The following RABGAP1 variants were observed in gnomAD, a reference collection of about 807,000 sequenced individuals.
RABGAP1 encodes the protein rab GTPase-activating protein 1.
Under a neutral mutation model 137.6 loss-of-function variants are expected in RABGAP1, and 23 were observed. That is an observed-to-expected ratio of 0.17 (90% confidence interval 0.12 to 0.24). RABGAP1 has a LOEUF of 0.24. Among genes scored for constraint, RABGAP1 ranks in the 10% least tolerant of loss-of-function variants. The pLI is 1.00. For synonymous variants in RABGAP1, 451 were observed against 450.7 expected (o/e 1.00, Z -0.01); for missense variants, 906 against 1,275.8 (o/e 0.71, Z 4.42).
intron 9 of RABGAP1, among the ~76,000 whole-genome samples, chr9:122,998,064 C>T (rs1370329257): frequency 6.6e-6 from 1 of 151,864 alleles, no homozygotes; most frequent in Non-Finnish European, 1.5e-5. Context: ...TCTGACAGTA[C>T]AGTGGTGTTT....
In RABGAP1 at chr9:123,103,118, C is replaced by T; in HGVS notation, c.3115C>T (p.Leu1039Phe). 1.2e-6 allele frequency: 2 copies of T among 1,614,092 alleles called. No homozygotes were observed. Among genetic ancestry groups the T allele is most frequent in the Non-Finnish European group, 1.7e-6 (2 of 1,179,978 alleles). ...CTTGGAACACCATTTAGGGCTTGCC[C>T]TCAATGAGGTGCAGGCAGCCAAGAA... ...QDLEHHLGLALNEVQAAKKTW... is the reference protein window; with the variant it reads ...QDLEHHLGLAFNEVQAAKKTW... Residue 1039 changes from leucine (L) to phenylalanine (F), a missense_variant, in exon 26 of 26, where the codon CTC becomes TTC. This residue lies in a region of RABGAP1 where 193 missense variants were observed against 248.1 expected (regional missense o/e 0.78). Transcript: ENST00000373647.
chr9:122,992,990 T>A (rs1024431416), intron 6 of RABGAP1, among the ~76,000 whole-genome samples: 4 of 151,696 alleles, frequency 2.6e-5, no homozygotes, highest in South Asian at 2.1e-4. Flanking sequence ...GTATGGAAAT[T>A]TATCTGCAGA....
chr9:123,048,218 C>A (rs1348920114), intron 13 of RABGAP1, among the ~76,000 whole-genome samples: 1 of 152,090 alleles, frequency 6.6e-6, no homozygotes, highest in African/African-American at 2.4e-5. Flanking sequence ...GGATTACAGG[C>A]GTGAGCCATC....
upstream of RABGAP1, chr9:122,937,920 G>T (rs1308039630): frequency 6.6e-6 from 1 of 152,202 alleles, no homozygotes; most frequent in African/African-American, 2.4e-5. Context: ...AACCCAGGAG[G>T]TGGAGGTTGC....
At chr9:123,091,667 C>CTCTGCTTG (rs1365866230) in intron 21 of RABGAP1, among the ~76,000 whole-genome samples, 3 of 152,046 alleles carry the variant, frequency 2.0e-5, no homozygotes, top group East Asian at 1.9e-4. Context: ...TGTTAGCGCC[C>CTCTGCTTG]TCTGCTTGTC....
intron 21 of RABGAP1, among the ~76,000 whole-genome samples, chr9:123,093,245 T>G (rs1391482163): frequency 2.0e-5 from 3 of 152,258 alleles, no homozygotes; most frequent in Admixed American, 1.3e-4. Flanking sequence ...ATTCATCACC[T>G]GTCACTTTTG....
At chr9:122,979,796 T>C (rs1471538454) in intron 2 of RABGAP1, among the ~76,000 whole-genome samples, 1 of 152,246 alleles carries the variant, frequency 6.6e-6, no homozygotes, top group Non-Finnish European at 1.5e-5. Context: ...CTGGACTCTG[T>C]TCTGTGCCAT....
At chr9:122,943,413 G>T (rs934710575) in intron 1 of RABGAP1, among the ~76,000 whole-genome samples, 1 of 152,092 alleles carries the variant, frequency 6.6e-6, no homozygotes, top group Non-Finnish European at 1.5e-5. Flanking sequence ...TACAGTTAAC[G>T]CATTGACATT....
intron 6 of RABGAP1, chr9:122,990,857 G>T (rs1273063783): frequency 1.7e-5 from 2 of 117,420 alleles, no homozygotes; most frequent in East Asian, 5.1e-4. Flanking sequence ...TAGTCAGCTG[G>T]ATTTGTAGCT....
intron 10 of RABGAP1, among the ~76,000 whole-genome samples, chr9:123,006,427 A>G (rs540084529): frequency 1.4e-4 from 22 of 152,254 alleles, no homozygotes; most frequent in African/African-American, 5.3e-4. Flanking sequence ...CCAAATGGCT[A>G]TTCTCTTGTC....
chr9:123,028,963 A>T (rs939446942), intron 13 of RABGAP1, among the ~76,000 whole-genome samples: 1 of 152,128 alleles, frequency 6.6e-6, no homozygotes, highest in Non-Finnish European at 1.5e-5. Context: ...TATTATATAT[A>T]TTTTTTGCTT....
Position 123,017,261 on chromosome 9 carries a change from TA to T in RABGAP1, c.1643+1626del, listed in dbSNP as rs140872230. Among the ~76,000 whole-genome samples, 626 of 152,318 alleles carry T rather than the reference TA, an allele frequency of 4.1e-3. 4 individuals carry two copies. Among genetic ancestry groups the T allele is most frequent in the African/African-American group, 0.015 (607 of 41,576 alleles). On this transcript the variant is annotated intron_variant, in intron 12 of 25. Coordinates refer to ENST00000373647, the MANE Select transcript of RABGAP1 (RefSeq NM_012197.4). ...TCATGTAGATATAGCATTAAGACTC[TA>T]GTTAGATTTTATTACACGAACCCAT...
intron 2 of RABGAP1, among the ~76,000 whole-genome samples, chr9:122,971,027 T>C (rs1001190778): frequency 6.6e-6 from 1 of 152,184 alleles, no homozygotes; most frequent in Non-Finnish European, 1.5e-5. Context: ...ATAACCAAAG[T>C]GCTTGGATTT....
intron 1 of RABGAP1, among the ~76,000 whole-genome samples, chr9:122,948,667 G>A (rs1834064611): frequency 6.6e-6 from 1 of 152,104 alleles, no homozygotes; most frequent in Non-Finnish European, 1.5e-5. Flanking sequence ...AAAAATGATG[G>A]GGATTGGGAG....
intron 13 of RABGAP1, among the ~76,000 whole-genome samples, chr9:123,053,923 T>A (rs1174671841): frequency 6.6e-6 from 1 of 152,238 alleles, no homozygotes; most frequent in Non-Finnish European, 1.5e-5. Flanking sequence ...TTTCCTACAG[T>A]TCCCAGTACC....
upstream of RABGAP1, chr9:122,939,216 T>C (rs1833445873): frequency 6.6e-6 from 1 of 152,056 alleles, no homozygotes; most frequent in African/African-American, 2.4e-5. Context: ...ATAAGGTAGA[T>C]ATTTTTAATT....
chr9:123,029,228 C>T, intron 13 of RABGAP1: 1 of 444,438 alleles, frequency 2.3e-6, no homozygotes, highest in Admixed American at 3.5e-5. Context: ...GTCAAAGTAT[C>T]TCAAATCATT....
intron 21 of RABGAP1, among the ~76,000 whole-genome samples, chr9:123,097,101 G>A (rs1321201629): frequency 6.6e-6 from 1 of 152,112 alleles, no homozygotes; most frequent in Non-Finnish European, 1.5e-5. Flanking sequence ...TATCTTTGGA[G>A]TGCCCAGCAC....
At chr9:123,087,991 T>A (rs1288119554) in intron 19 of RABGAP1, among the ~76,000 whole-genome samples, 1 of 152,118 alleles carries the variant, frequency 6.6e-6, no homozygotes, top group Non-Finnish European at 1.5e-5. Flanking sequence ...CGTCAGCACT[T>A]TAGTGCTGAT....
Sources: allele counts gnomAD v4.1 joint callset (sites outside exome capture counted in the v4.1 genomes callset), GRCh38; gene constraint gnomAD v4.1.1; regional missense constraint gnomAD v4.1.1; transcripts MANE v1.5; gene names NCBI Gene and HGNC (gene_info 2026-07-23, HGNC 2026-07-21).